LYG1: variants seen among roughly 807,000 people sequenced by gnomAD.
The protein encoded by LYG1 is lysozyme g1.
Under a neutral mutation model 21.7 loss-of-function variants are expected in LYG1, and 17 were observed. That is an observed-to-expected ratio of 0.78 (90% CI 0.54 to 1.18). LYG1 has a LOEUF of 1.18. Ranked by LOEUF, LYG1 falls within the 50% of genes most tolerant of loss-of-function variation. The pLI, the probability that LYG1 is intolerant of heterozygous loss-of-function variation, is 0.00. For synonymous variants in LYG1, 81 were observed against 87.4 expected (o/e 0.93, Z 0.41); for missense variants, 211 against 238.1 (o/e 0.89, Z 0.75).
intron 5 of LYG1, among the ~76,000 whole-genome samples, chr2:99,286,688 G>A (rs911727929): frequency 2.0e-5 from 3 of 152,196 alleles, no homozygotes; most frequent in African/African-American, 7.2e-5. Context: ...TGGGCAACAA[G>A]AGTGAGACTG....
chr2:99,291,594 C>G (rs1057174491), intron 4 of LYG1, among the ~76,000 whole-genome samples, 173 bp from the exon 5 acceptor site: 1 of 152,140 alleles, frequency 6.6e-6, no homozygotes, highest in Non-Finnish European at 1.5e-5. Context: ...GAGGTTAGGG[C>G]TCTCCTCCTG....
In LYG1 at chr2:99,298,515, T is replaced by C. The variant is rs1157882689; in HGVS notation, c.-89A>G. ...AAGCACTGTGTAAGTTTGTAAGGCA[T>C]AATGGACCATGTCTTCTTCAGTTCA... On this transcript the variant is annotated 5_prime_UTR_variant, in exon 2 of 7. It removes an upstream start codon present in the reference 5' UTR. Transcript: ENST00000308528. 1.3e-5 allele frequency: 2 copies of C among 152,236 alleles called. No homozygotes were observed. The highest frequency in any genetic ancestry group is 4.8e-5 in the African/African-American group (2 of 41,468). 9.4% of individuals were successfully genotyped at this position (152,236 alleles called of 1,614,324 possible). A position where few individuals can be genotyped will look rare whatever the true frequency, so the allele number is the denominator to read the frequency against.
chr2:99,287,371 A>G (rs1214719548), intron 5 of LYG1, among the ~76,000 whole-genome samples: 2 of 152,168 alleles, frequency 1.3e-5, no homozygotes, highest in African/African-American at 4.8e-5. Flanking sequence ...ACTGGGGCCT[A>G]TTGGAGGGTG....
upstream of LYG1, among the ~76,000 whole-genome samples, chr2:99,304,220 C>A (rs2094161297): frequency 6.6e-6 from 1 of 151,818 alleles, no homozygotes; most frequent in African/African-American, 2.4e-5. Flanking sequence ...CAGTGGGAGA[C>A]AATTGAATCA....
At chr2:99,288,502 T>G (rs2094108356) in intron 5 of LYG1, among the ~76,000 whole-genome samples, 1 of 152,128 alleles carries the variant, frequency 6.6e-6, no homozygotes, top group African/African-American at 2.4e-5. Flanking sequence ...GCTACTATCA[T>G]CTTAATTTGT....
chr2:99,290,675 A>G (rs1159986296), intron 5 of LYG1, among the ~76,000 whole-genome samples: 3 of 152,218 alleles, frequency 2.0e-5, no homozygotes, highest in Non-Finnish European at 4.4e-5. Flanking sequence ...ATTAGTGACC[A>G]TTCCCCAGAA....
At position 99,287,707 on chromosome 2, in the gene LYG1, ATG is replaced by A. The variant is rs375539460; in HGVS notation, c.334-2889_334-2888del. ...ACCTAAGAGTTACTTAGTGTTGTGTATGTGTGTGTGTGTGCATGTATTTTAAA... is the reference window on the plus strand; with the variant it reads ...ACCTAAGAGTTACTTAGTGTTGTGTATGTGTGTGTGTGCATGTATTTTAAA... On this transcript the variant is annotated intron_variant, in intron 5 of 6. Coordinates refer to ENST00000308528, the MANE Select transcript of LYG1 (RefSeq NM_174898.3). 4.6e-5 allele frequency among the ~76,000 whole-genome samples: 7 copies of A among 151,282 alleles called. No homozygotes were observed. In the South Asian group the frequency reaches 6.3e-4, roughly 14 times the overall value.
chr2:99,284,575 TACTA>T, intron 6 of LYG1, 64 bp from the exon 7 acceptor site: 1 of 1,594,800 alleles, frequency 6.3e-7, no homozygotes, highest in Non-Finnish European at 8.6e-7. Context: ...TGATTCTCTT[TACTA>T]ACTACCTAAC....
Position 99,291,227 on chromosome 2 carries a change from G to A in LYG1, c.333+10C>T, listed in dbSNP as rs757842721. On this transcript the variant is annotated intron_variant, in intron 5 of 6. Coordinates refer to ENST00000308528, the MANE Select transcript of LYG1 (RefSeq NM_174898.3). ...AGAATGGCCACATGTGTCAACGGAT[G>A]AAGAGTTACCTGCACCATGCTAGTC... 4.3e-6 allele frequency: 7 copies of A among 1,612,120 alleles called. No individual in the cohort carries two copies. In the East Asian group the frequency reaches 1.6e-4, roughly 36 times the overall value.
intron 4 of LYG1, among the ~76,000 whole-genome samples, 165 bp from the exon 5 acceptor site, chr2:99,291,586 G>A (rs551729983): frequency 6.6e-6 from 1 of 152,262 alleles, no homozygotes; most frequent in Admixed American, 6.5e-5. Flanking sequence ...CCTGACCTGA[G>A]GTTAGGGCTC....
In LYG1 at chr2:99,301,084, G is replaced by A. The variant is rs2105305107; in HGVS notation, c.-158C>T. ...GTCAGTGCTCCTCCTTAGAGGTGGT[G>A]AGCCCACAGCGATTTATATAGAGTC... On this transcript the variant is annotated 5_prime_UTR_variant, in exon 1 of 7. Coordinates refer to ENST00000308528, the MANE Select transcript of LYG1 (RefSeq NM_174898.3). 1 of 142,510 alleles carries A rather than the reference G, an allele frequency of 7.0e-6. No homozygotes were observed. The highest frequency in any genetic ancestry group is 2.4e-4 in the South Asian group (1 of 4,188). 8.8% of individuals were successfully genotyped at this position (142,510 alleles called of 1,614,324 possible). A position where few individuals can be genotyped will look rare whatever the true frequency, so the allele number is the denominator to read the frequency against.
chr2:99,304,657 T>C (rs1037433823), upstream of LYG1: 10 of 152,284 alleles, frequency 6.6e-5, no homozygotes, highest in African/African-American at 2.4e-4. Context: ...GATGAAGTTT[T>C]AGGCTGGGTG....
intron 5 of LYG1, among the ~76,000 whole-genome samples, chr2:99,289,690 G>C (rs180699515): frequency 9.9e-5 from 15 of 152,224 alleles, no homozygotes; most frequent in Admixed American, 9.2e-4. Context: ...AGTCCAGAAA[G>C]GGATTTTTCT....
rs2094143955 is a variant in LYG1, at chr2:99,298,457, A to G, written c.-33+2T>C. The G allele has an allele frequency of 6.6e-6, 1 of 151,844 alleles. No individual in the cohort carries two copies. Among genetic ancestry groups the G allele is most frequent in the Admixed American group, 6.6e-5 (1 of 15,222 alleles). The allele number at this position is 151,844 out of a possible 1,614,324, so 9.4% of individuals were successfully genotyped here. ...TTGATGGGGACATCTTCCTCTACTC[A>G]CCCTCTCTCCACTGAGTACTTTGGA... On this transcript the variant is annotated splice_donor_variant, in intron 2 of 6. Transcript: ENST00000308528. LOFTEE classifies it low-confidence loss of function (5UTR_SPLICE).
At chr2:99,297,566 G>T (rs1263911663) in intron 2 of LYG1, among the ~76,000 whole-genome samples, 1 of 152,220 alleles carries the variant, frequency 6.6e-6, no homozygotes, top group Non-Finnish European at 1.5e-5. Flanking sequence ...AAATATCTGT[G>T]TTGAGAAGTC....
At chr2:99,284,883 G>A (rs1435506414) in intron 5 of LYG1, 63 bp from the exon 6 acceptor site, 108 of 1,579,680 alleles carry the variant, frequency 6.8e-5, no homozygotes, top group Non-Finnish European at 9.0e-5. Flanking sequence ...CCGGCTTACT[G>A]GGCTCAATGG....
chr2:99,300,254 A>G (rs1478786194), intron 1 of LYG1, among the ~76,000 whole-genome samples: 1 of 152,078 alleles, frequency 6.6e-6, no homozygotes, highest in Admixed American at 6.5e-5. Context: ...AAGACCTCTG[A>G]AAGTTTGATC....
intron 5 of LYG1, among the ~76,000 whole-genome samples, chr2:99,289,781 A>C (rs1206623713): frequency 6.6e-6 from 1 of 152,168 alleles, no homozygotes; most frequent in Non-Finnish European, 1.5e-5. Flanking sequence ...TTTGATTATC[A>C]CTTCCATGTA....
intron 1 of LYG1, among the ~76,000 whole-genome samples, chr2:99,299,090 C>A (rs1328693337): frequency 6.6e-6 from 1 of 151,688 alleles, no homozygotes; most frequent in East Asian, 1.9e-4. Flanking sequence ...CCACGCCCAG[C>A]TAATTTTTGT....
Sources: allele counts gnomAD v4.1 joint callset (sites outside exome capture counted in the v4.1 genomes callset), GRCh38; gene constraint gnomAD v4.1.1; transcripts MANE v1.5; gene names NCBI Gene and HGNC (gene_info 2026-07-23, HGNC 2026-07-21).